KLHDC1: variants seen among roughly 807,000 people sequenced by gnomAD.
KLHDC1 encodes the protein kelch domain-containing protein 1.
KLHDC1 carries 53 observed loss-of-function variants against 68.3 expected under a neutral mutation model. The ratio of observed to expected loss-of-function variants is 0.78; its 90% CI spans 0.62 to 0.98. The LOEUF is 0.98. Ranked by LOEUF, KLHDC1 falls within the 50% of genes least tolerant of loss-of-function variation. KLHDC1 has a pLI of 0.00. For synonymous variants in KLHDC1, 148 were observed against 159.0 expected (o/e 0.93, Z 0.52); for missense variants, 470 against 492.3 (o/e 0.95, Z 0.43).
At chr14:49,705,451 C>G (rs1006152036) in intron 1 of KLHDC1, among the ~76,000 whole-genome samples, 2 of 126,850 alleles carry the variant, frequency 1.6e-5, no homozygotes, top group African/African-American at 5.7e-5. Flanking sequence ...TTACTGCAAC[C>G]TCCGCCTCCC....
At chr14:49,723,087 CAAAAAAAAAA>C (rs144318637) in intron 4 of KLHDC1, among the ~76,000 whole-genome samples, 42 of 54,754 alleles carry the variant, frequency 7.7e-4, no homozygotes, top group African/African-American at 2.9e-3. Flanking sequence ...GACTCTGTCT[CAAAAAAAAAA>C]AAAAAAAAAA....
intron 1 of KLHDC1, among the ~76,000 whole-genome samples, chr14:49,695,266 T>A (rs577949543): frequency 6.6e-6 from 1 of 152,222 alleles, no homozygotes; most frequent in Admixed American, 6.5e-5. Flanking sequence ...AATTTTTGTA[T>A]TTTTTACAGG....
At chr14:49,705,361 C>CTTTT (rs1334189965) in intron 1 of KLHDC1, among the ~76,000 whole-genome samples, 4 of 35,306 alleles carry the variant, frequency 1.1e-4, no homozygotes, top group Admixed American at 4.0e-4. Context: ...ATATTTCTTT[C>CTTTT]TTTCTTTTTT....
intron 4 of KLHDC1, among the ~76,000 whole-genome samples, chr14:49,717,524 A>G (rs568872688): frequency 6.6e-6 from 1 of 152,244 alleles, no homozygotes; most frequent in East Asian, 1.9e-4. Flanking sequence ...ATGTCTATTC[A>G]AATCCTTTAC....
intron 12 of KLHDC1, among the ~76,000 whole-genome samples, chr14:49,746,243 A>G (rs1889196591): frequency 6.6e-6 from 1 of 152,208 alleles, no homozygotes; most frequent in South Asian, 2.1e-4. Flanking sequence ...ACTGTAGTGG[A>G]GCTATCCATT....
At chr14:49,747,934 TAA>T (rs1246264508) in intron 12 of KLHDC1, among the ~76,000 whole-genome samples, 1 of 152,042 alleles carries the variant, frequency 6.6e-6, no homozygotes, top group Non-Finnish European at 1.5e-5. Flanking sequence ...TGAAGGGGAT[TAA>T]AATTGCTGGC....
chr14:49,696,867 T>C (rs1025721630), intron 1 of KLHDC1, among the ~76,000 whole-genome samples: 2 of 152,024 alleles, frequency 1.3e-5, no homozygotes, highest in African/African-American at 4.8e-5. Flanking sequence ...TGATTTAAAG[T>C]GAGGGACAGT....
intron 2 of KLHDC1, among the ~76,000 whole-genome samples, 159 bp downstream of exon 2, chr14:49,709,388 TC>T (rs1357615438): frequency 1.3e-5 from 2 of 152,150 alleles, no homozygotes; most frequent in East Asian, 1.9e-4. Flanking sequence ...ACTCTTTCAT[TC>T]CCCTACTGTC....
chr14:49,699,521 C>T (rs1279457730), intron 1 of KLHDC1, among the ~76,000 whole-genome samples: 1 of 151,990 alleles, frequency 6.6e-6, no homozygotes, highest in East Asian at 1.9e-4. Context: ...AGTTAAAAGG[C>T]CCTGGGATCT....
At chr14:49,751,477 G>A in intron 12 of KLHDC1, 109 bp from the exon 13 acceptor site, 1 of 503,220 alleles carries the variant, frequency 2.0e-6, no homozygotes, top group Non-Finnish European at 3.3e-6. Context: ...AAAAAGATCT[G>A]TGAAAGTCCA....
chr14:49,700,599 G>C (rs934507088), intron 1 of KLHDC1, among the ~76,000 whole-genome samples: 4 of 151,988 alleles, frequency 2.6e-5, no homozygotes, highest in African/African-American at 9.7e-5. Flanking sequence ...ACAAATATCT[G>C]TATACATATG....
At chr14:49,726,491 C>T (rs1324298264) in intron 6 of KLHDC1, among the ~76,000 whole-genome samples, 2 of 152,164 alleles carry the variant, frequency 1.3e-5, no homozygotes, top group Non-Finnish European at 2.9e-5. Context: ...GAGGTGCCAT[C>T]GTCATTCTTT....
chr14:49,728,540 C>T (rs1888726111), intron 6 of KLHDC1, among the ~76,000 whole-genome samples: 2 of 152,122 alleles, frequency 1.3e-5, no homozygotes, highest in African/African-American at 4.8e-5. Flanking sequence ...GCAATATGCA[C>T]TGCTCACTTC....
intron 12 of KLHDC1, among the ~76,000 whole-genome samples, chr14:49,747,535 A>G (rs1355559793): frequency 2.6e-5 from 4 of 152,222 alleles, no homozygotes; most frequent in Non-Finnish European, 5.9e-5. Context: ...TGGAGAAAGG[A>G]TTCTTTTCTT....
At chr14:49,725,510 G>T (rs1380574602) in intron 5 of KLHDC1, 176 bp from the exon 6 acceptor site, 2 of 503,572 alleles carry the variant, frequency 4.0e-6, no homozygotes, top group Non-Finnish European at 7.1e-6. Context: ...GCTGCTACTG[G>T]TCTGGGGACC....
At chr14:49,733,559 C>G (rs1303159633) in intron 9 of KLHDC1, among the ~76,000 whole-genome samples, 1 of 151,606 alleles carries the variant, frequency 6.6e-6, no homozygotes, top group Non-Finnish European at 1.5e-5. Flanking sequence ...ACCTGAGTAG[C>G]TGGGATTACA....
intron 1 of KLHDC1, among the ~76,000 whole-genome samples, chr14:49,697,982 A>T (rs1281231375): frequency 1.3e-5 from 2 of 152,156 alleles, no homozygotes; most frequent in Non-Finnish European, 2.9e-5. Context: ...AAATTAGGTG[A>T]TTGTGCTTTA....
chr14:49,751,094 T>C (rs1298870607), intron 12 of KLHDC1: 1 of 152,304 alleles, frequency 6.6e-6, no homozygotes, highest in Non-Finnish European at 1.5e-5. Flanking sequence ...CATAGACTCA[T>C]CTGGTTTGAA....
intron 4 of KLHDC1, among the ~76,000 whole-genome samples, chr14:49,714,926 A>T (rs1342147867): frequency 6.8e-6 from 1 of 147,562 alleles, no homozygotes; most frequent in African/African-American, 2.5e-5. Flanking sequence ...ATTTCCATAT[A>T]TATGGAAATT....
Sources: gnomAD v4.1 joint callset for allele counts (sites outside exome capture counted in the v4.1 genomes callset) on GRCh38, gnomAD v4.1.1 for gene constraint, MANE v1.5 for transcripts, NCBI Gene and HGNC (gene_info 2026-07-23, HGNC 2026-07-21) for gene names.